SPAST: variants seen among roughly 807,000 people sequenced by gnomAD.
The protein encoded by SPAST is spastin.
A neutral mutation model predicts 76.6 loss-of-function variants in SPAST; 30 were observed. The observed-to-expected ratio is 0.39, with a 90% CI of 0.29 to 0.53. SPAST has a LOEUF of 0.53. SPAST is among the 20% of genes least tolerant of loss of function. SPAST has a pLI of 0.68. For missense variants in SPAST, 717 were observed against 770.5 expected (o/e 0.93, Z 0.82); for synonymous variants, 305 against 281.0 (o/e 1.09, Z -0.86).
intron 4 of SPAST, among the ~76,000 whole-genome samples, chr2:32,112,043 C>G (rs1678634702): frequency 6.7e-6 from 1 of 149,386 alleles, no homozygotes; most frequent in Admixed American, 6.7e-5. Context: ...GCCTCCATCT[C>G]CCGGGTTCAA....
chr2:32,090,515 ATTTCT>A (rs780552949), intron 3 of SPAST, among the ~76,000 whole-genome samples: 4 of 152,108 alleles, frequency 2.6e-5, no homozygotes, highest in Admixed American at 6.6e-5. Flanking sequence ...ATAACTCCAA[ATTTCT>A]TTTAACATTA....
At chr2:32,143,273 A>G in intron 13 of SPAST, 63 bp from the exon 14 acceptor site, 3 of 1,040,836 alleles carry the variant, frequency 2.9e-6, no homozygotes, top group Non-Finnish European at 4.4e-6. Flanking sequence ...TCTCAATATA[A>G]AAAAAGAAAA....
intron 4 of SPAST, among the ~76,000 whole-genome samples, chr2:32,106,382 A>G (rs992126123): frequency 8.5e-5 from 13 of 152,064 alleles, no homozygotes; most frequent in Admixed American, 3.3e-4. Flanking sequence ...TGGCTAGGAG[A>G]GGGAATTCCC....
chr2:32,094,842 G>A (rs1558309758), intron 3 of SPAST, among the ~76,000 whole-genome samples: 2 of 152,208 alleles, frequency 1.3e-5, no homozygotes, highest in Non-Finnish European at 2.9e-5. Flanking sequence ...TGGTGGCCAT[G>A]CTTGTAATCC....
At position 32,064,111 on chromosome 2, in the gene SPAST, G is replaced by C. The variant is rs750218565; in HGVS notation, c.280G>C (p.Gly94Arg). 6 of 1,601,054 alleles carry C rather than the reference G, an allele frequency of 3.7e-6. No individual in the cohort carries two copies. The Admixed American group carries it at 5.2e-5, about 14-fold the overall frequency. Residue 94 changes from glycine to arginine, a missense_variant, in exon 1 of 17, where the codon GGG becomes CGG. By Grantham distance (125) the Gly-to-Arg change is moderately radical. Transcript: ENST00000315285. ...CCTCATGGCAGCCAAGAGGAGCTCC[G>C]GGGCCGCGCCAGCACCTGCCTCGGC... Reference protein sequence around the residue: ...RALMAAKRSSGAAPAPASASA... With the variant: ...RALMAAKRSSRAAPAPASASA...
At chr2:32,109,305 C>G (rs1558318453) in intron 4 of SPAST, among the ~76,000 whole-genome samples, 1 of 151,752 alleles carries the variant, frequency 6.6e-6, no homozygotes, top group Admixed American at 6.6e-5. Flanking sequence ...GATGGGGTTT[C>G]ACCATGTTGG....
intron 3 of SPAST, among the ~76,000 whole-genome samples, chr2:32,091,774 C>G (rs1256869086): frequency 6.6e-6 from 1 of 151,618 alleles, no homozygotes; most frequent in Non-Finnish European, 1.5e-5. Flanking sequence ...GCGGAGCTTG[C>G]AGTGAGCCGA....
chr2:32,156,460 A>AGG lies in SPAST; in HGVS notation c.*1964_*1965insGG. 6.6e-6 allele frequency: 1 copy of AGG among 152,228 alleles called. No homozygotes were observed. The highest frequency in any genetic ancestry group is 3.2e-3 in the Middle Eastern group (1 of 316). The allele number at this position is 152,228 out of a possible 1,614,324, so 9.4% of individuals were successfully genotyped here. On this transcript the variant is annotated 3_prime_UTR_variant, in exon 17 of 17. Transcript: ENST00000315285. Reference sequence around the variant, plus strand: ...ATGAGAGTTGAGATAAATAGGGGAAAAAAAATTTTTTTCAAGCCAGAGCTA... The same window carrying AGG: ...ATGAGAGTTGAGATAAATAGGGGAAAGGAAAAATTTTTTTCAAGCCAGAGCTA...
At position 32,087,564 on chromosome 2, in the gene SPAST, T is replaced by C. The variant is rs748674789; in HGVS notation, c.488T>C (p.Ile163Thr). Residue 163 changes from isoleucine (I) to threonine (T), a missense_variant, in exon 2 of 17, where the codon ATA (isoleucine) becomes ACA (threonine). By Grantham distance (89) the Ile-to-Thr change is moderately conservative. This residue lies in a region of SPAST where 543 missense variants were observed against 445.2 expected (regional missense o/e 1.22). Transcript: ENST00000315285. ...IEELEKGIAV[I>T]VTGQGEQCER... ...GAACTGGAAAAAGGAATAGCTGTTA[T>C]AGTTACAGGACAAGGTAAGATTGTA... 23 of 1,588,314 alleles carry C rather than the reference T, an allele frequency of 1.4e-5. No individual in the cohort carries two copies. The East Asian group carries it at 2.0e-4, about 14-fold the overall frequency.
At chr2:32,107,016 G>T (rs913367605) in intron 4 of SPAST, among the ~76,000 whole-genome samples, 2 of 151,838 alleles carry the variant, frequency 1.3e-5, no homozygotes, top group African/African-American at 4.8e-5. Context: ...CTGAAGAGTT[G>T]GTCTGTCTTT....
intron 12 of SPAST, among the ~76,000 whole-genome samples, chr2:32,140,931 TTTG>T (rs1374819622): frequency 1.0e-4 from 13 of 125,188 alleles, no homozygotes; most frequent in South Asian, 3.2e-4. Context: ...GGGGGCAGGT[TTTG>T]TTGTTGTTGT....
At chr2:32,102,598 C>T (rs1459606198) in intron 4 of SPAST, among the ~76,000 whole-genome samples, 1 of 152,152 alleles carries the variant, frequency 6.6e-6, no homozygotes, top group East Asian at 1.9e-4. Context: ...ATGATATTGG[C>T]TGTGGGTTTG....
intron 1 of SPAST, among the ~76,000 whole-genome samples, chr2:32,071,942 C>T (rs1029651321): frequency 6.6e-6 from 1 of 152,188 alleles, no homozygotes; most frequent in Non-Finnish European, 1.5e-5. Context: ...AAAGGATTCT[C>T]TACAGAACGT....
At chr2:32,073,044 T>C (rs1376407386) in intron 1 of SPAST, among the ~76,000 whole-genome samples, 1 of 151,986 alleles carries the variant, frequency 6.6e-6, no homozygotes, top group Non-Finnish European at 1.5e-5. Flanking sequence ...AAGCAGCCAC[T>C]GTTAAGGACT....
At chr2:32,150,989 G>T (rs1008527929) in intron 16 of SPAST, among the ~76,000 whole-genome samples, 1 of 138,996 alleles carries the variant, frequency 7.2e-6, no homozygotes, top group African/African-American at 2.7e-5. Flanking sequence ...TTGTTGCCCA[G>T]GCTGGAGTGC....
At chr2:32,080,172 A>G (rs1203869588) in intron 1 of SPAST, among the ~76,000 whole-genome samples, 1 of 152,094 alleles carries the variant, frequency 6.6e-6, no homozygotes, top group Non-Finnish European at 1.5e-5. Context: ...TTTTCTAATG[A>G]CTTATGATGC....
At chr2:32,092,657 CA>C (rs982266036) in intron 3 of SPAST, among the ~76,000 whole-genome samples, 8 of 152,250 alleles carry the variant, frequency 5.3e-5, no homozygotes, top group Non-Finnish European at 8.8e-5. Context: ...TTTTCACCCT[CA>C]AAAATGCTAT....
At position 32,118,443 on chromosome 2, in the gene SPAST, A is replaced by G. The variant is rs188774029; in HGVS notation, c.1098+2231A>G. Reference sequence around the variant, plus strand: ...ATTAAAATAGAAAGCATTTGTCATTATGTGAACTGGATTTATGTCATGTAC... The same window carrying G: ...ATTAAAATAGAAAGCATTTGTCATTGTGTGAACTGGATTTATGTCATGTAC... On this transcript the variant is annotated intron_variant, in intron 7 of 16. Coordinates refer to ENST00000315285, the MANE Select transcript of SPAST (RefSeq NM_014946.4). Among the ~76,000 whole-genome samples, 14 of 152,344 alleles carry G rather than the reference A, an allele frequency of 9.2e-5. No individual in the cohort carries two copies. The East Asian group carries it at 2.7e-3, about 29-fold the overall frequency.
intron 7 of SPAST, among the ~76,000 whole-genome samples, chr2:32,121,435 C>G (rs1056236687): frequency 6.6e-6 from 1 of 151,986 alleles, no homozygotes; most frequent in Non-Finnish European, 1.5e-5. Flanking sequence ...GCCACTGCGC[C>G]CAGCCCCTCT....
Sources: gnomAD v4.1 joint callset for allele counts (sites outside exome capture counted in the v4.1 genomes callset) on GRCh38, gnomAD v4.1.1 for gene constraint, gnomAD v4.1.1 regional missense constraint, MANE v1.5 for transcripts, NCBI Gene and HGNC (gene_info 2026-07-23, HGNC 2026-07-21) for gene names.